GRK7: variants seen among roughly 807,000 people sequenced by gnomAD.
GRK7 encodes the protein rhodopsin kinase GRK7.
A neutral mutation model predicts 34.1 loss-of-function variants in GRK7; 24 were observed. That is an observed-to-expected ratio of 0.70 (90% CI 0.51 to 0.99). GRK7 has a LOEUF of 0.99. GRK7 is among the 50% of genes least tolerant of loss of function. GRK7 has a pLI of 0.00. For synonymous variants in GRK7, 256 were observed against 279.4 expected (o/e 0.92, Z 0.84); for missense variants, 644 against 707.3 (o/e 0.91, Z 1.02).
intron 4 of GRK7, among the ~76,000 whole-genome samples, chr3:141,796,897 T>C (rs1710886308): frequency 6.6e-6 from 1 of 152,132 alleles, no homozygotes; most frequent in South Asian, 2.1e-4. Context: ...CGCTAATACA[T>C]ACTGTGGTAG....
rs1209816408 is a variant in GRK7, at chr3:141,818,203, C to T, written c.*1153C>T. 1 of 152,202 alleles carries T rather than the reference C, an allele frequency of 6.6e-6. No individual in the cohort carries two copies. Among genetic ancestry groups the T allele is most frequent in the Non-Finnish European group, 1.5e-5 (1 of 68,130 alleles). The allele number at this position is 152,202 out of a possible 1,614,324, so 9.4% of individuals were successfully genotyped here. On this transcript the variant is annotated 3_prime_UTR_variant, in exon 6 of 6. Transcript: ENST00000682958. ...GGCTTAGAAATTGAGTTGAACAGGC[C>T]AGGTGCGGTGGCTCATGCCTGCAAT... is the stretch of plus-strand genomic sequence containing the variant.
Position 141,819,096 on chromosome 3 carries a change from A to C in GRK7, c.*2046A>C, listed in dbSNP as rs1711183731. Among the ~76,000 whole-genome samples, 1 of 152,158 alleles carries C rather than the reference A, an allele frequency of 6.6e-6. No individual in the cohort carries two copies. Among genetic ancestry groups the C allele is most frequent in the African/African-American group, 2.4e-5 (1 of 41,454 alleles). On this transcript the variant is annotated 3_prime_UTR_variant, in exon 6 of 6. Coordinates refer to ENST00000682958, the MANE Select transcript of GRK7 (RefSeq NM_139209.3). ...AAATTAAAGTTTGGTTAAGTTTTGA[A>C]CAAGTCCCTTTTAACAAAAAAACTG...
chr3:141,795,296 T>C (rs2084743384), intron 4 of GRK7, among the ~76,000 whole-genome samples: 1 of 141,036 alleles, frequency 7.1e-6, no homozygotes, highest in African/African-American at 2.8e-5. Flanking sequence ...ACTGGGGAAC[T>C]GCTACCAGCA....
intron 4 of GRK7, among the ~76,000 whole-genome samples, chr3:141,800,309 T>C (rs1330588898): frequency 2.7e-5 from 4 of 145,800 alleles, no homozygotes; most frequent in African/African-American, 1.0e-4. Flanking sequence ...GGACTCCACA[T>C]AGCTTATAGT....
chr3:141,754,432 CTTTTTTT>C, the GRK7 span, among the ~76,000 whole-genome samples: 1 of 119,604 alleles, frequency 8.4e-6, no homozygotes, highest in Non-Finnish European at 1.7e-5. Context: ...TCACCACTGT[CTTTTTTT>C]TTTTTTTTTT....
chr3:141,762,587 C>G (rs1254175971), upstream of GRK7, among the ~76,000 whole-genome samples: 8 of 151,484 alleles, frequency 5.3e-5, no homozygotes, highest in Non-Finnish European at 1.0e-4. Flanking sequence ...TGCCCTGCCC[C>G]CAGAGCTGGA....
chr3:141,776,484 T>A (rs1404739027), intron 2 of GRK7, among the ~76,000 whole-genome samples: 1 of 152,110 alleles, frequency 6.6e-6, no homozygotes, highest in Non-Finnish European at 1.5e-5. Flanking sequence ...GGGTAACATA[T>A]AAAGAACAGA....
chr3:141,779,945 C>T (rs2084662988), intron 3 of GRK7, among the ~76,000 whole-genome samples: 1 of 152,152 alleles, frequency 6.6e-6, no homozygotes, highest in African/African-American at 2.4e-5. Flanking sequence ...CTGTTTTCAC[C>T]TTTTGGCTAT....
intron 4 of GRK7, among the ~76,000 whole-genome samples, chr3:141,784,040 C>T (rs2084684295): frequency 6.6e-6 from 1 of 152,170 alleles, no homozygotes; most frequent in African/African-American, 2.4e-5. Flanking sequence ...CGCCCATGGA[C>T]ATGTATCACA....
intron 1 of GRK7, among the ~76,000 whole-genome samples, chr3:141,770,226 A>G (rs73872318): frequency 0.07 from 10,625 of 152,274 alleles, 404 homozygotes; most frequent in South Asian, 0.12. Context: ...CAAGGGGCAC[A>G]TAGAGGAGGG....
At chr3:141,772,824 C>T (rs1207894493) in intron 1 of GRK7, among the ~76,000 whole-genome samples, 2 of 152,012 alleles carry the variant, frequency 1.3e-5, no homozygotes, top group Non-Finnish European at 2.9e-5. Flanking sequence ...CAAAATGAAA[C>T]ATCCCTTAAT....
At chr3:141,779,409 C>CAAAAAAAAAAAAAAAAAA (rs10626329) in intron 3 of GRK7, among the ~76,000 whole-genome samples, 1 of 96,468 alleles carries the variant, frequency 1.0e-5, no homozygotes, top group Non-Finnish European at 2.0e-5. Flanking sequence ...GAGCAAGACT[C>CAAAAAAAAAAAAAAAAAA]AAAAAAAAAA....
intron 2 of GRK7, among the ~76,000 whole-genome samples, chr3:141,776,586 A>C (rs897018538): frequency 6.6e-6 from 1 of 152,198 alleles, no homozygotes. Context: ...TCCACGGCAG[A>C]GGTGATCGTT....
At chr3:141,802,766 T>A (rs1198649402) in intron 4 of GRK7, among the ~76,000 whole-genome samples, 1 of 152,010 alleles carries the variant, frequency 6.6e-6, no homozygotes, top group Non-Finnish European at 1.5e-5. Context: ...GCAATATAGC[T>A]CTTCGGATAA....
At chr3:141,776,204 G>A (rs961606666) in intron 2 of GRK7, among the ~76,000 whole-genome samples, 8 of 151,942 alleles carry the variant, frequency 5.3e-5, no homozygotes, top group Admixed American at 2.6e-4. Context: ...GGAGAATGGC[G>A]TGAACCCAGG....
intron 4 of GRK7, among the ~76,000 whole-genome samples, chr3:141,793,215 G>A (rs1397247538): frequency 6.6e-6 from 1 of 152,226 alleles, no homozygotes; most frequent in Admixed American, 6.5e-5. Context: ...GGTTTGTGGG[G>A]ACCTCAATTT....
chr3:141,756,326 A>AGGGGG, the GRK7 span, among the ~76,000 whole-genome samples: 7 of 134,996 alleles, frequency 5.2e-5, no homozygotes, highest in African/African-American at 1.3e-4. Context: ...AGAAAAAAAA[A>AGGGGG]GGTGGGGGGG....
chr3:141,762,795 A>AC (rs1246755526), upstream of GRK7, among the ~76,000 whole-genome samples: 1 of 151,524 alleles, frequency 6.6e-6, no homozygotes, highest in Non-Finnish European at 1.5e-5. Flanking sequence ...GTGGGGTAGG[A>AC]CCCTCCGAGC....
At chr3:141,755,703 G>A in the GRK7 span, among the ~76,000 whole-genome samples, 1 of 151,978 alleles carries the variant, frequency 6.6e-6, no homozygotes, top group Non-Finnish European at 1.5e-5. Context: ...TGAACATGTA[G>A]AGGAATTGGA....
Sources: gnomAD v4.1 joint callset for allele counts (sites outside exome capture counted in the v4.1 genomes callset) on GRCh38, gnomAD v4.1.1 for gene constraint, MANE v1.5 for transcripts, NCBI Gene and HGNC (gene_info 2026-07-23, HGNC 2026-07-21) for gene names.